The following LTV1 variants were observed in gnomAD, a reference collection of about 807,000 sequenced individuals.
LTV1 encodes the protein protein LTV1 homolog.
In LTV1, 39 loss-of-function variants were observed where a neutral mutation model predicts 59.9. That is an observed-to-expected ratio of 0.65 (90% CI 0.50 to 0.85). The LOEUF is 0.85. Among genes scored for constraint, LTV1 ranks in the 40% least tolerant of loss-of-function variants. LTV1 has a pLI of 0.00. For synonymous variants in LTV1, 171 were observed against 189.5 expected, an observed-to-expected ratio of 0.90 and a Z score of 0.80; for missense variants, 493 against 549.1, an observed-to-expected ratio of 0.90 and a Z score of 1.02.
intron 7 of LTV1, among the ~76,000 whole-genome samples, chr6:143,861,664 A>C (rs985771120): frequency 1.3e-5 from 2 of 152,194 alleles, no homozygotes; most frequent in African/African-American, 4.8e-5. Context: ...ATCCACATCA[A>C]GGTGACTCTT....
chr6:143,845,678 C>A (rs2128490815), intron 2 of LTV1, among the ~76,000 whole-genome samples: 1 of 152,286 alleles, frequency 6.6e-6, no homozygotes, highest in South Asian at 2.1e-4. Flanking sequence ...GCACCTGGCC[C>A]CCCAGGTCTT....
chr6:143,859,357 A>G (rs2128492040), intron 6 of LTV1, among the ~76,000 whole-genome samples: 1 of 152,216 alleles, frequency 6.6e-6, no homozygotes, highest in African/African-American at 2.4e-5. Flanking sequence ...CATCATCTCT[A>G]ATGTTGTGCT....
At position 143,862,244 on chromosome 6, in the gene LTV1, G is replaced by GT. The variant is rs1416669143; in HGVS notation, c.1063+2dup. 6.2e-7 allele frequency: 1 copy of GT among 1,611,138 alleles called. No individual in the cohort carries two copies. The highest frequency in any genetic ancestry group is 8.5e-7 in the Non-Finnish European group (1 of 1,177,660). ...AAGTGGGATTGTGAATCTATTTGTA[G>GT]TAAGTATATTCACTTTATGATAGTA... On this transcript the variant is annotated splice_donor_variant, in intron 8 of 10. Transcript: ENST00000367576. LOFTEE classifies it high-confidence loss of function. The surrounding 1 kb of genome is among the most constrained non-coding windows in gnomAD (Gnocchi z 4.2).
At chr6:143,846,005 T>G in intron 2 of LTV1, 46 bp from the exon 3 acceptor site, 1 of 1,576,922 alleles carries the variant, frequency 6.3e-7, no homozygotes, top group Non-Finnish European at 8.7e-7. Context: ...TGATTCCATT[T>G]TGTTTATAGA....
At position 143,863,367 on chromosome 6, in the gene LTV1, A is replaced by G. The variant is rs376876864; in HGVS notation, c.1318-50A>G. On this transcript the variant is annotated intron_variant, in intron 10 of 10. Transcript: ENST00000367576. The surrounding 1 kb of genome is among the most constrained non-coding windows in gnomAD (Gnocchi z 4.5). ...GGGGAATTTTGTAAAAGCAGTCTGTATCAGTTTAAAGATGTGAATAATACA... is the reference window on the plus strand; with the variant it reads ...GGGGAATTTTGTAAAAGCAGTCTGTGTCAGTTTAAAGATGTGAATAATACA... 3.8e-6 allele frequency: 6 copies of G among 1,594,970 alleles called. No individual in the cohort carries two copies. Among genetic ancestry groups the G allele is most frequent in the Admixed American group, 3.4e-5 (2 of 59,256 alleles).
intron 1 of LTV1, 53 bp from the exon 2 acceptor site, chr6:143,844,433 C>G: frequency 1.9e-6 from 3 of 1,591,700 alleles, no homozygotes; most frequent in Non-Finnish European, 2.6e-6. Flanking sequence ...TGGAATTATT[C>G]TCCGTCTTTT....
intron 6 of LTV1, 68 bp from the exon 7 acceptor site, chr6:143,860,357 AT>A: frequency 2.8e-6 from 4 of 1,435,080 alleles, no homozygotes; most frequent in East Asian, 4.7e-5. Flanking sequence ...ATGTAAAAAA[AT>A]TTTTAAGTGT....
rs569984065 is a variant in LTV1, at chr6:143,844,227, A to G, written c.4-259A>G. Among the ~76,000 whole-genome samples, 184 of 152,274 alleles carry G rather than the reference A, an allele frequency of 1.2e-3. 1 individual carries two copies. The highest frequency in any genetic ancestry group is 2.2e-3 in the Non-Finnish European group (153 of 68,014). The stretch of plus-strand genomic sequence containing the variant: ...CTTGATTTTCTTGCTAAGAACAGGG[A>G]CTTTATCTGACTTTCCCACTTCTGT... On this transcript the variant is annotated intron_variant, in intron 1 of 10. Coordinates refer to ENST00000367576, the MANE Select transcript of LTV1 (RefSeq NM_032860.5).
intron 7 of LTV1, among the ~76,000 whole-genome samples, chr6:143,860,812 G>T (rs1256930481): frequency 6.6e-6 from 1 of 152,112 alleles, no homozygotes; most frequent in Non-Finnish European, 1.5e-5. Context: ...TTCTGAAGTA[G>T]AACGTAATGG....
rs2128492416 is a variant in LTV1, at chr6:143,863,123, C to G, written c.1154C>G (p.Pro385Arg). Reference sequence around the variant, plus strand: ...CGAATATCTTCTAAAACAGGAATACCTCTCAATGTCTTACCAAAGAAAGGA... The same window carrying G: ...CGAATATCTTCTAAAACAGGAATACGTCTCAATGTCTTACCAAAGAAAGGA... ...QIRISSKTGI[P>R]LNVLPKKGLT... Residue 385 changes from proline (P) to arginine (R), a missense_variant, in exon 10 of 11, where the codon CCT (proline) becomes CGT (arginine). Coordinates refer to ENST00000367576, the MANE Select transcript of LTV1 (RefSeq NM_032860.5). This position sits in a 1 kb window ranked among gnomAD's most constrained non-coding sequence, Gnocchi z 4.5. The G allele has an allele frequency of 6.2e-7, 1 of 1,613,816 alleles. No homozygotes were observed. The highest frequency in any genetic ancestry group is 1.1e-5 in the South Asian group (1 of 91,070).
chr6:143,851,624 G>A (rs551931768), intron 4 of LTV1, among the ~76,000 whole-genome samples: 2 of 151,382 alleles, frequency 1.3e-5, no homozygotes, highest in East Asian at 1.9e-4. Flanking sequence ...TATGCAGAAT[G>A]TGCAGGTTTG....
chr6:143,855,204 CCTT>C lies in LTV1; in HGVS notation c.398-2095_398-2093del, dbSNP rs1777054636. On this transcript the variant is annotated intron_variant, in intron 4 of 10. Coordinates refer to ENST00000367576, the MANE Select transcript of LTV1 (RefSeq NM_032860.5). The surrounding 1 kb of genome is among the most constrained non-coding windows in gnomAD (Gnocchi z 4.6). ...TGTTCCCTTTACTATTATGTAATGC[CCTT>C]CTTTGTGTTTTTTGATCTTTGTTGG... Among the ~76,000 whole-genome samples the C allele has an allele frequency of 1.3e-5, 2 of 151,882 alleles. No homozygotes were observed. The highest frequency in any genetic ancestry group is 2.9e-5 in the Non-Finnish European group (2 of 67,996).
At position 143,843,369 on chromosome 6, in the gene LTV1, G is replaced by C. The variant is rs1463411869; in HGVS notation, c.-109G>C. On this transcript the variant is annotated 5_prime_UTR_variant, in exon 1 of 11. Transcript: ENST00000367576. ...TTATCGCCGGGTCCTGGGGCTGCAC[G>C]TGTGGTGAGGCCTACAGAAGCGGCC... The C allele has an allele frequency of 7.5e-7, 1 of 1,337,606 alleles. No individual in the cohort carries two copies. Among genetic ancestry groups the C allele is most frequent in the African/African-American group, 1.4e-5 (1 of 69,600 alleles). The allele number at this position is 1,337,606 out of a possible 1,614,324, so 82.9% of individuals were successfully genotyped here.
Position 143,862,955 on chromosome 6 carries a change from AT to A in LTV1, c.1116+63del. On this transcript the variant is annotated intron_variant, in intron 9 of 10. Transcript: ENST00000367576. This position sits in a 1 kb window ranked among gnomAD's most constrained non-coding sequence, Gnocchi z 4.2. ...GCAGTGCATAAAAAATAGAGTGCAC[AT>A]TTTCGCACAATAACTTTTTATCTTT... 1 of 1,469,748 alleles carries A rather than the reference AT, an allele frequency of 6.8e-7. No homozygotes were observed. The highest frequency in any genetic ancestry group is 9.5e-7 in the Non-Finnish European group (1 of 1,049,762). The allele number at this position is 1,469,748 out of a possible 1,614,324, so 91.0% of individuals were successfully genotyped here.
chr6:143,847,911 C>A (rs1020889856), intron 3 of LTV1, among the ~76,000 whole-genome samples: 7 of 152,062 alleles, frequency 4.6e-5, no homozygotes, highest in Non-Finnish European at 8.8e-5. Context: ...AATGAATAAC[C>A]CCTAGAAACA....
rs181415014 is a variant in LTV1, at chr6:143,859,189, A to G, written c.795+1182A>G. Among the ~76,000 whole-genome samples, 6 of 152,348 alleles carry G rather than the reference A, an allele frequency of 3.9e-5. No homozygotes were observed. The East Asian group carries it at 1.2e-3, about 29-fold the overall frequency. On this transcript the variant is annotated intron_variant, in intron 6 of 10. Transcript: ENST00000367576. Reference sequence around the variant, plus strand: ...CTGAGGAATAGAATGGAAGTAGAGTATAAGACACTTTTGAAAGCTTGTATT... The same window carrying G: ...CTGAGGAATAGAATGGAAGTAGAGTGTAAGACACTTTTGAAAGCTTGTATT...
intron 6 of LTV1, among the ~76,000 whole-genome samples, chr6:143,859,792 G>T (rs1341626741): frequency 6.6e-6 from 1 of 152,180 alleles, no homozygotes; most frequent in Non-Finnish European, 1.5e-5. Context: ...CTTTTAGTTT[G>T]CATAACTAAG....
At chr6:143,843,587 G>T in intron 1 of LTV1, 107 bp downstream of exon 1, 1 of 1,442,922 alleles carries the variant, frequency 6.9e-7, no homozygotes. Flanking sequence ...GGTCATGCCA[G>T]AGGCTGCTTG....
chr6:143,854,238 G>T (rs1219446384), intron 4 of LTV1, among the ~76,000 whole-genome samples: 11 of 152,204 alleles, frequency 7.2e-5, no homozygotes, highest in Admixed American at 7.2e-4. Flanking sequence ...TATTTTCATA[G>T]AGGTGTTTAT....
Sources: allele counts gnomAD v4.1 joint callset (sites outside exome capture counted in the v4.1 genomes callset), GRCh38; gene constraint gnomAD v4.1.1; non-coding constraint Gnocchi (gnomAD v3.1); transcripts MANE v1.5; gene names NCBI Gene and HGNC (gene_info 2026-07-23, HGNC 2026-07-21).